Variants in BBS5 observed in about 807,000 individuals in gnomAD.
BBS5 encodes BBSome complex member BBS5.
BBS5 carries 39 observed loss-of-function variants against 50.2 expected under a neutral mutation model. The observed-to-expected ratio is 0.78, with a 90% confidence interval of 0.60 to 1.01. BBS5 has a LOEUF of 1.01. Ranked by LOEUF, BBS5 falls within the 50% of genes least tolerant of loss-of-function variation. The pLI, the probability that BBS5 is intolerant of heterozygous loss-of-function variation, is 0.00. For synonymous variants in BBS5, 134 were observed against 133.1 expected, an observed-to-expected ratio of 1.01 and a Z score of -0.05; for missense variants, 356 against 401.5, an observed-to-expected ratio of 0.89 and a Z score of 0.97.
intron 2 of BBS5, among the ~76,000 whole-genome samples, chr2:169,482,914 G>T (rs536774096): frequency 6.6e-6 from 1 of 152,280 alleles, no homozygotes; most frequent in East Asian, 1.9e-4. Context: ...ACTTTTAAAA[G>T]TCCAGGCTGC....
At chr2:169,481,219 G>A (rs1559120551) in intron 1 of BBS5, among the ~76,000 whole-genome samples, 1 of 152,196 alleles carries the variant, frequency 6.6e-6, no homozygotes, top group Non-Finnish European at 1.5e-5. Context: ...GAGACTCATA[G>A]AAACAGAACA....
At chr2:169,482,127 A>G in intron 1 of BBS5, 124 bp from the exon 2 acceptor site, 1 of 738,344 alleles carries the variant, frequency 1.4e-6, no homozygotes, top group Non-Finnish European at 2.4e-6. Context: ...AAATGCATGA[A>G]CATTTGGTAC....
At chr2:169,487,194 T>C in intron 3 of BBS5, 60 bp downstream of exon 3, 1 of 1,109,910 alleles carries the variant, frequency 9.0e-7, no homozygotes, top group Non-Finnish European at 1.4e-6. Flanking sequence ...TGAATTTGCA[T>C]GGTGCCTTTG....
chr2:169,490,975 C>A (rs1683586296), intron 5 of BBS5, among the ~76,000 whole-genome samples: 1 of 151,928 alleles, frequency 6.6e-6, no homozygotes, highest in Non-Finnish European at 1.5e-5. Context: ...CATGTTGTAG[C>A]ATGTATCAGT....
At chr2:169,483,345 T>C (rs1337490126) in intron 2 of BBS5, among the ~76,000 whole-genome samples, 1 of 152,086 alleles carries the variant, frequency 6.6e-6, no homozygotes, top group Admixed American at 6.5e-5. Flanking sequence ...GTATTATTTA[T>C]GCTGCTGGCT....
intron 2 of BBS5, among the ~76,000 whole-genome samples, chr2:169,483,244 C>T (rs374409012): frequency 1.0e-3 from 159 of 152,278 alleles, no homozygotes; most frequent in African/African-American, 3.7e-3. Context: ...TCTGAGGTGG[C>T]ATGTAGGCAG....
At chr2:169,498,999 T>G (rs1166374711) in intron 8 of BBS5, 1 of 166,488 alleles carries the variant, frequency 6.0e-6, no homozygotes, top group African/African-American at 2.4e-5. Flanking sequence ...ATGGCCCAGT[T>G]TCTTTCCTAA....
chr2:169,496,746 G>A lies in BBS5; in HGVS notation c.619-881G>A, dbSNP rs867158539. Among the ~76,000 whole-genome samples the A allele has an allele frequency of 2.0e-5, 3 of 152,068 alleles. No homozygotes were observed. The South Asian group carries it at 6.2e-4, about 32-fold the overall frequency. On this transcript the variant is annotated intron_variant, in intron 7 of 11. Coordinates refer to ENST00000295240, the MANE Select transcript of BBS5 (RefSeq NM_152384.3). ...TAGCCGGGCATAGTGGCGGGCGCCT[G>A]TAGTCCCAGCTACTTGGGAGGCTGA... is the stretch of plus-strand genomic sequence containing the variant.
At position 169,487,420 on chromosome 2, in the gene BBS5, G is replaced by T. The variant is rs72884169; in HGVS notation, c.208+286G>T. On this transcript the variant is annotated intron_variant, in intron 3 of 11. Coordinates refer to ENST00000295240, the MANE Select transcript of BBS5 (RefSeq NM_152384.3). The stretch of plus-strand genomic sequence containing the variant: ...GTTTTGATTAATCCCAAAGAAGGAA[G>T]AAGCTCTAATAAAAGTATAATCTTT... Among the ~76,000 whole-genome samples the T allele has an allele frequency of 0.081, 12,299 of 152,084 alleles. 641 individuals carry two copies. Among genetic ancestry groups the T allele is most frequent in the Non-Finnish European group, 0.11 (7,675 of 67,934 alleles).
At chr2:169,482,629 C>T in intron 2 of BBS5, 1 of 366,424 alleles carries the variant, frequency 2.7e-6, no homozygotes, top group Admixed American at 4.1e-5. Flanking sequence ...ATCTGTCTTC[C>T]CAAAAAAGGA....
chr2:169,481,681 C>T (rs1459021934), intron 1 of BBS5, among the ~76,000 whole-genome samples: 5 of 150,468 alleles, frequency 3.3e-5, no homozygotes, highest in Non-Finnish European at 5.9e-5. Context: ...GCTCTTATTT[C>T]CTTTTGTCAC....
intron 5 of BBS5, among the ~76,000 whole-genome samples, chr2:169,489,896 GAC>G: frequency 1.5e-5 from 1 of 68,768 alleles, no homozygotes; most frequent in African/African-American, 7.5e-5. Context: ...TTTTTTTAGA[GAC>G]AGAGTCTTGC....
At chr2:169,493,497 A>G (rs539856932) in intron 6 of BBS5, among the ~76,000 whole-genome samples, 85 of 152,292 alleles carry the variant, frequency 5.6e-4, no homozygotes, top group Non-Finnish European at 1.1e-3. Flanking sequence ...GACAAAATAC[A>G]TCAAGAAGAA....
In BBS5 at chr2:169,479,542, G is replaced by C; in HGVS notation, c.-12G>C. ...CGGCTGTGGAGAGATCCTGCCACGG[G>C]CCTTGTTCACCATGTCGGTGCTGGA... is the stretch of plus-strand genomic sequence containing the variant. On this transcript the variant is annotated 5_prime_UTR_variant, in exon 1 of 12. Coordinates refer to ENST00000295240, the MANE Select transcript of BBS5 (RefSeq NM_152384.3). 1.9e-6 allele frequency: 3 copies of C among 1,614,164 alleles called. No individual in the cohort carries two copies. Among genetic ancestry groups the C allele is most frequent in the Non-Finnish European group, 2.5e-6 (3 of 1,179,992 alleles).
rs1021163123 is a variant in BBS5, at chr2:169,506,270, T to A, written c.*1688T>A. On this transcript the variant is annotated 3_prime_UTR_variant, in exon 12 of 12. Transcript: ENST00000295240. ...CCCCTACTGGGAAGTGAGGAGCCCC[T>A]CTGCCCGGCCACCACCCCGTCTGGG... 1.2e-4 allele frequency: 20 copies of A among 166,788 alleles called. No individual in the cohort carries two copies. The highest frequency in any genetic ancestry group is 4.6e-4 in the African/African-American group (19 of 41,558). 10.3% of individuals were successfully genotyped at this position (166,788 alleles called of 1,614,324 possible). A position where few individuals can be genotyped will look rare whatever the true frequency, so the allele number is the denominator to read the frequency against.
At chr2:169,492,246 C>T (rs1030914224) in intron 5 of BBS5, among the ~76,000 whole-genome samples, 2 of 151,410 alleles carry the variant, frequency 1.3e-5, no homozygotes, top group Non-Finnish European at 2.9e-5. Context: ...AATCCCAGCA[C>T]TTTGGGAGGC....
At chr2:169,482,172 T>C in intron 1 of BBS5, 79 bp from the exon 2 acceptor site, 1 of 881,838 alleles carries the variant, frequency 1.1e-6, no homozygotes, top group Admixed American at 1.7e-5. Flanking sequence ...TTTATGTACA[T>C]ATGTCTCTTT....
chr2:169,479,729 A>C (rs1683354623), intron 1 of BBS5, 117 bp downstream of exon 1: 2 of 1,189,734 alleles, frequency 1.7e-6, no homozygotes, highest in Non-Finnish European at 2.4e-6. Context: ...TGAGGGTGGG[A>C]GGCTTGCGCC....
At position 169,504,795 on chromosome 2, in the gene BBS5, A is replaced by G. The variant is rs1574345517; in HGVS notation, c.*213A>G. On this transcript the variant is annotated 3_prime_UTR_variant, in exon 12 of 12. Transcript: ENST00000295240. ...GGGGCCAGCGACACATGGCCTAGTA[A>G]CCGTCCGGCCGCGGCGCTGGCTTAA... 1.1e-5 allele frequency: 17 copies of G among 1,531,684 alleles called. No individual in the cohort carries two copies. In the East Asian group the frequency reaches 3.8e-4, roughly 34 times the overall value. The allele number at this position is 1,531,684 out of a possible 1,614,324, so 94.9% of individuals were successfully genotyped here.
Sources: allele counts gnomAD v4.1 joint callset (sites outside exome capture counted in the v4.1 genomes callset), GRCh38; gene constraint gnomAD v4.1.1; transcripts MANE v1.5; gene names NCBI Gene and HGNC (gene_info 2026-07-23, HGNC 2026-07-21).